The following CYRIB variants were observed in gnomAD, a reference collection of about 807,000 sequenced individuals.
The protein encoded by CYRIB is CYFIP related Rac1 interactor B.
CYRIB carries 8 observed loss-of-function variants against 44.2 expected under a neutral mutation model. The observed-to-expected ratio is 0.18, with a 90% CI of 0.11 to 0.33. CYRIB has a LOEUF of 0.33. CYRIB is among the 10% of genes least tolerant of loss of function. The pLI, the probability that CYRIB is intolerant of heterozygous loss-of-function variation, is 1.00. For missense variants in CYRIB, 185 were observed against 382.8 expected, an observed-to-expected ratio of 0.48 and a Z score of 4.31; for synonymous variants, 131 against 127.2, an observed-to-expected ratio of 1.03 and a Z score of -0.20.
At chr8:129,991,884 G>T (rs970777987) in intron 1 of CYRIB, among the ~76,000 whole-genome samples, 1 of 136,656 alleles carries the variant, frequency 7.3e-6, no homozygotes, top group Non-Finnish European at 1.5e-5. Flanking sequence ...CTGGGAGGCG[G>T]AGACTGCACT....
chr8:129,978,448 T>C (rs796730394), intron 1 of CYRIB, among the ~76,000 whole-genome samples: 10 of 152,290 alleles, frequency 6.6e-5, no homozygotes, highest in African/African-American at 2.4e-4. Context: ...GTAACAGATT[T>C]AGAGAGAATC....
intron 3 of CYRIB, among the ~76,000 whole-genome samples, chr8:129,873,571 A>C (rs901811988): frequency 1.3e-5 from 2 of 152,038 alleles, no homozygotes; most frequent in South Asian, 4.1e-4. Context: ...CATCAATAGT[A>C]GACACGTATT....
chr8:129,978,076 A>G (rs971255987), intron 1 of CYRIB, among the ~76,000 whole-genome samples: 1 of 151,878 alleles, frequency 6.6e-6, no homozygotes, highest in African/African-American at 2.4e-5. Flanking sequence ...GTGTGCCACC[A>G]TGCCTAATTT....
intron 1 of CYRIB, among the ~76,000 whole-genome samples, chr8:129,925,448 T>A (rs900003865): frequency 2.6e-5 from 4 of 152,194 alleles, no homozygotes; most frequent in Non-Finnish European, 5.9e-5. Flanking sequence ...TGTTCAGGAA[T>A]GCTTTCAGGG....
At chr8:129,974,887 A>ATT (rs1280918019) in intron 1 of CYRIB, among the ~76,000 whole-genome samples, 15,519 of 139,428 alleles carry the variant, frequency 0.11, 1,447 homozygotes, top group African/African-American at 0.26. Flanking sequence ...CACCCAGATA[A>ATT]TTTTTTTTTT....
chr8:129,917,047 TG>T (rs2081124734), intron 1 of CYRIB, among the ~76,000 whole-genome samples: 1 of 152,246 alleles, frequency 6.6e-6, no homozygotes, highest in Non-Finnish European at 1.5e-5. Context: ...TGAGAATGCA[TG>T]TTTACTGCTT....
intron 1 of CYRIB, among the ~76,000 whole-genome samples, chr8:129,978,533 C>T (rs1259881896): frequency 1.3e-5 from 2 of 152,214 alleles, no homozygotes; most frequent in Admixed American, 6.5e-5. Flanking sequence ...ACAAAAGATG[C>T]ACCTCAAAAA....
chr8:129,957,828 A>G (rs1186528123), intron 2 of CYRIB, among the ~76,000 whole-genome samples: 1 of 151,946 alleles, frequency 6.6e-6, no homozygotes, highest in Non-Finnish European at 1.5e-5. Flanking sequence ...AGCCAGGGAT[A>G]GTGGCGGGTG....
At chr8:130,015,084 G>C (rs568563964) in intron 1 of CYRIB, among the ~76,000 whole-genome samples, 8 of 152,328 alleles carry the variant, frequency 5.3e-5, no homozygotes, top group African/African-American at 7.2e-5. Context: ...AAGGGAGTCA[G>C]TATTTTCACA....
intron 1 of CYRIB, among the ~76,000 whole-genome samples, chr8:129,980,255 A>G (rs913405352): frequency 6.6e-6 from 1 of 151,822 alleles, no homozygotes; most frequent in Non-Finnish European, 1.5e-5. Context: ...AAGAAAAGAA[A>G]AAAGAAAAAA....
At chr8:129,906,782 A>T (rs902871331) in intron 1 of CYRIB, among the ~76,000 whole-genome samples, 6 of 152,248 alleles carry the variant, frequency 3.9e-5, no homozygotes, top group Admixed American at 3.3e-4. Flanking sequence ...CCCATCAACA[A>T]GTGGGCGAAG....
chr8:129,933,973 G>C (rs1329230606), intron 1 of CYRIB, among the ~76,000 whole-genome samples: 1 of 152,110 alleles, frequency 6.6e-6, no homozygotes, highest in East Asian at 1.9e-4. Context: ...GAGCTAGTGA[G>C]GGTTTTTCCA....
chr8:129,897,510 C>T (rs940237987), intron 2 of CYRIB, among the ~76,000 whole-genome samples: 11 of 150,908 alleles, frequency 7.3e-5, no homozygotes, highest in Admixed American at 6.7e-5. Context: ...AAACAACAGT[C>T]AAATGAGGTC....
At chr8:129,963,310 C>A (rs2095348325) in intron 2 of CYRIB, among the ~76,000 whole-genome samples, 1 of 152,190 alleles carries the variant, frequency 6.6e-6, no homozygotes, top group East Asian at 1.9e-4. Context: ...CAGTTCGAGG[C>A]GAGATTCTGT....
intron 1 of CYRIB, among the ~76,000 whole-genome samples, chr8:129,996,431 G>A (rs2096768697): frequency 6.6e-6 from 1 of 152,144 alleles, no homozygotes. Flanking sequence ...ACAGTGCCTG[G>A]CACACAGTGA....
chr8:129,998,537 G>A (rs1278987297), intron 1 of CYRIB, among the ~76,000 whole-genome samples: 2 of 152,122 alleles, frequency 1.3e-5, no homozygotes, highest in Admixed American at 6.5e-5. Flanking sequence ...AACAATCAAT[G>A]CCTTTGATTA....
At chr8:130,014,470 G>A (rs1396564250) in intron 1 of CYRIB, among the ~76,000 whole-genome samples, 4 of 152,142 alleles carry the variant, frequency 2.6e-5, no homozygotes, top group Non-Finnish European at 5.9e-5. Flanking sequence ...TGCTCAAACT[G>A]CAGCACGCTG....
At chr8:129,903,350 T>C (rs1206896131) in exon 2 of CYRIB, 1 of 152,600 alleles carries the variant, frequency 6.6e-6, no homozygotes, top group Non-Finnish European at 1.5e-5. Context: ...TGTCCTTCTA[T>C]CTGTTTAAGG....
intron 1 of CYRIB, among the ~76,000 whole-genome samples, chr8:130,006,594 T>TTATATATATATATATA: frequency 1.3e-4 from 2 of 15,322 alleles, no homozygotes; most frequent in Non-Finnish European, 2.1e-4. Flanking sequence ...AAAACACAAA[T>TTATATATATATATATA]TATATATATA....
Sources: allele counts gnomAD v4.1 joint callset (sites outside exome capture counted in the v4.1 genomes callset), GRCh38; gene constraint gnomAD v4.1.1; transcripts MANE v1.5; gene names NCBI Gene and HGNC (gene_info 2026-07-23, HGNC 2026-07-21).